Variants in NUP93 observed in about 807,000 individuals in gnomAD.
NUP93 encodes nucleoporin 93.
NUP93 carries 55 observed loss-of-function variants against 107.8 expected under a neutral mutation model. That is an observed-to-expected ratio of 0.51 (90% confidence interval 0.41 to 0.64). NUP93 has a LOEUF of 0.64. Among genes scored for constraint, NUP93 ranks in the 30% least tolerant of loss-of-function variants. The probability of loss-of-function intolerance (pLI) is 0.00; values close to 1 mark genes in which losing one functional copy is unlikely to be tolerated. For synonymous variants in NUP93, 390 were observed against 397.5 expected, an observed-to-expected ratio of 0.98 and a Z score of 0.22; for missense variants, 937 against 1,044.7, an observed-to-expected ratio of 0.90 and a Z score of 1.42.
chr16:56,742,770 T>TA (rs563554171), intron 1 of NUP93, among the ~76,000 whole-genome samples: 125 of 152,336 alleles, frequency 8.2e-4, no homozygotes, highest in Admixed American at 4.1e-3. Flanking sequence ...TTCTGGAGTA[T>TA]ATCCTGGGAG....
chr16:56,815,218 G>A (rs540097653), intron 5 of NUP93, among the ~76,000 whole-genome samples: 2 of 152,284 alleles, frequency 1.3e-5, no homozygotes, highest in South Asian at 2.1e-4. Flanking sequence ...CTTTAGTGCT[G>A]TTCTCCTTTT....
intron 5 of NUP93, among the ~76,000 whole-genome samples, chr16:56,805,877 G>A (rs1405691725): frequency 6.6e-6 from 1 of 151,802 alleles, no homozygotes; most frequent in East Asian, 1.9e-4. Flanking sequence ...GTGTCCCAGG[G>A]CTCAGTCCTT....
At chr16:56,767,222 C>G (rs1962231756) in intron 3 of NUP93, among the ~76,000 whole-genome samples, 1 of 152,218 alleles carries the variant, frequency 6.6e-6, no homozygotes, top group Admixed American at 6.5e-5. Context: ...TGTGGAGTGG[C>G]TGTGAGGCTG....
intron 1 of NUP93, among the ~76,000 whole-genome samples, chr16:56,740,186 A>C (rs1961700356): frequency 3.5e-5 from 5 of 142,624 alleles, no homozygotes; most frequent in African/African-American, 8.0e-5. Context: ...CTCACTTCCC[A>C]GATGGGGTGG....
intron 4 of NUP93, among the ~76,000 whole-genome samples, chr16:56,802,246 G>A (rs1003337638): frequency 4.6e-5 from 7 of 152,132 alleles, no homozygotes; most frequent in African/African-American, 1.7e-4. Context: ...AGACAAAATT[G>A]TGGCTCACAC....
At chr16:56,842,800 A>G (rs1964052530) in intron 21 of NUP93, 3 of 325,512 alleles carry the variant, frequency 9.2e-6, no homozygotes, top group South Asian at 2.3e-5. Context: ...AGATCCCCCA[A>G]CCTCGGCCTC....
chr16:56,755,027 C>G (rs1961993904), intron 2 of NUP93, among the ~76,000 whole-genome samples: 1 of 152,192 alleles, frequency 6.6e-6, no homozygotes, highest in Non-Finnish European at 1.5e-5. Flanking sequence ...ATCTTTATAC[C>G]TTGCTGGTGG....
At chr16:56,770,463 GTGACTT>G (rs1962298634) in intron 3 of NUP93, among the ~76,000 whole-genome samples, 1 of 152,200 alleles carries the variant, frequency 6.6e-6, no homozygotes. Flanking sequence ...CATTAAATCT[GTGACTT>G]TGAGAGTAAA....
chr16:56,822,004 C>A (rs1327809374), intron 7 of NUP93, among the ~76,000 whole-genome samples: 1 of 150,234 alleles, frequency 6.7e-6, no homozygotes, highest in East Asian at 2.0e-4. Flanking sequence ...TCTTTATATA[C>A]CACTGGTTCT....
At chr16:56,766,252 C>CT (rs765946975) in intron 3 of NUP93, among the ~76,000 whole-genome samples, 2 of 152,176 alleles carry the variant, frequency 1.3e-5, no homozygotes, top group Admixed American at 6.5e-5. Context: ...GAATGGTTCT[C>CT]TAAGAGTATT....
chr16:56,839,488 G>A (rs767087178), intron 19 of NUP93, 33 bp from the exon 20 acceptor site: 4 of 1,549,196 alleles, frequency 2.6e-6, no homozygotes, highest in East Asian at 2.3e-5. Flanking sequence ...TGTGATGGTT[G>A]TGTTACATGG....
chr16:56,811,831 C>T (rs1042135113), intron 5 of NUP93, among the ~76,000 whole-genome samples: 4 of 152,124 alleles, frequency 2.6e-5, no homozygotes, highest in South Asian at 2.1e-4. Flanking sequence ...GTAAAGTGGC[C>T]GGCCCAGTGC....
intron 5 of NUP93, among the ~76,000 whole-genome samples, chr16:56,807,156 C>T (rs1313051380): frequency 6.6e-6 from 1 of 152,222 alleles, no homozygotes; most frequent in Non-Finnish European, 1.5e-5. Flanking sequence ...GCCGAACAGG[C>T]TTCTTACAGG....
rs982808436 is a variant in NUP93, at chr16:56,808,768, A to G, written c.489+3136A>G. 1.2e-4 allele frequency among the ~76,000 whole-genome samples: 17 copies of G among 144,248 alleles called. No homozygotes were observed. The East Asian group carries it at 1.2e-3, about 10-fold the overall frequency. The allele number at this position is 144,248 out of a possible 152,430, so 94.6% of individuals were successfully genotyped here. A position where few individuals can be genotyped will look rare whatever the true frequency, so the allele number is the denominator to read the frequency against. On this transcript the variant is annotated intron_variant, in intron 5 of 21. Transcript: ENST00000308159. ...CATATATAAATATATAAAAATACATATATATAAATACATATATAAATATGT... is the reference window on the plus strand; with the variant it reads ...CATATATAAATATATAAAAATACATGTATATAAATACATATATAAATATGT...
At chr16:56,835,773 TC>T (rs1318215570) in intron 16 of NUP93, among the ~76,000 whole-genome samples, 1 of 152,168 alleles carries the variant, frequency 6.6e-6, no homozygotes, top group Non-Finnish European at 1.5e-5. Flanking sequence ...CTAAGGCCTC[TC>T]TCATGCTCTC....
In NUP93 at chr16:56,805,507, T is replaced by G; in HGVS notation, c.364T>G (p.Phe122Val). The G allele has an allele frequency of 1.2e-6, 2 of 1,613,938 alleles. No individual in the cohort carries two copies. Among genetic ancestry groups the G allele is most frequent in the African/African-American group, 1.3e-5 (1 of 75,026 alleles). Reference protein sequence around the residue: ...SAIEESRKRTFGMAEEYHRES... With the variant: ...SAIEESRKRTVGMAEEYHRES... ...GTTCTCTGTTCCTTTCTGGCAGACC[T>G]TCGGCATGGCTGAGGAGTACCATCG... The change falls in exon 5 of 22, where the codon TTC becomes GTC. Residue 122 changes from phenylalanine to valine, a missense_variant. Physicochemically the swap from Phe to Val is conservative, Grantham distance 50. Coordinates refer to ENST00000308159, the MANE Select transcript of NUP93 (RefSeq NM_014669.5).
At chr16:56,818,343 TAGAGAG>T in intron 5 of NUP93, among the ~76,000 whole-genome samples, 1 of 152,262 alleles carries the variant, frequency 6.6e-6, no homozygotes, top group East Asian at 1.9e-4. Flanking sequence ...GAGGATGAGG[TAGAGAG>T]GGGGCTTGAG....
chr16:56,840,169 C>T (rs1232545079), intron 20 of NUP93, among the ~76,000 whole-genome samples: 5 of 152,196 alleles, frequency 3.3e-5, no homozygotes, highest in Admixed American at 6.5e-5. Context: ...TACAGGTGCC[C>T]GCCAACACGC....
At chr16:56,800,640 G>A (rs1208987467) in intron 4 of NUP93, among the ~76,000 whole-genome samples, 4 of 152,220 alleles carry the variant, frequency 2.6e-5, no homozygotes, top group Non-Finnish European at 5.9e-5. Context: ...CACACAAAAA[G>A]TGAGCAACTT....
Sources: allele counts gnomAD v4.1 joint callset (sites outside exome capture counted in the v4.1 genomes callset), GRCh38; gene constraint gnomAD v4.1.1; transcripts MANE v1.5; gene names NCBI Gene and HGNC (gene_info 2026-07-23, HGNC 2026-07-21).